PKN3: variants seen among roughly 807,000 people sequenced by gnomAD.
The protein encoded by PKN3 is protein kinase N3, also known as serine/threonine-protein kinase N3.
A neutral mutation model predicts 113.1 loss-of-function variants in PKN3; 91 were observed. The observed-to-expected ratio is 0.80, with a 90% CI of 0.68 to 0.96. PKN3 has a LOEUF of 0.96. PKN3 is among the 40% of genes least tolerant of loss of function. The pLI, the probability that PKN3 is intolerant of heterozygous loss-of-function variation, is 0.00. For missense variants in PKN3, 1,052 were observed against 1,202.2 expected, an observed-to-expected ratio of 0.88 and a Z score of 1.85; for synonymous variants, 467 against 499.0, an observed-to-expected ratio of 0.94 and a Z score of 0.85.
In PKN3 at chr9:128,714,849, C is replaced by T; in HGVS notation, c.1636C>T (p.Pro546Ser). 1 of 1,613,952 alleles carries T rather than the reference C, an allele frequency of 6.2e-7. No individual in the cohort carries two copies. Among genetic ancestry groups the T allele is most frequent in the Non-Finnish European group, 8.5e-7 (1 of 1,179,874 alleles). ...TAGGACTCGACGTGGGCCATCTCCA[C>T]CAGCCTCCCCCACCAGGTACCCCAT... Reference protein sequence around the residue: ...EPRTRRGPSPPASPTRKPPRL... With the variant: ...EPRTRRGPSPSASPTRKPPRL... The change falls in exon 13 of 22, where the codon CCA (proline) becomes TCA (serine). Residue 546 changes from proline (P) to serine (S), a missense_variant. Transcript: ENST00000291906.
At position 128,720,270 on chromosome 9, in the gene PKN3, A is replaced by G; in HGVS notation, c.2444A>G (p.Gln815Arg). 6.2e-7 allele frequency: 1 copy of G among 1,613,962 alleles called. No individual in the cohort carries two copies. Among genetic ancestry groups the G allele is most frequent in the Non-Finnish European group, 8.5e-7 (1 of 1,179,986 alleles). ...GEQDAEEIKV[Q>R]PFFRTTNWQA... ...CAGGATGCCGAGGAGATCAAGGTCCAGCCATTCTTCAGGGTGAGCGGCTGG... is the reference window on the plus strand; with the variant it reads ...CAGGATGCCGAGGAGATCAAGGTCCGGCCATTCTTCAGGGTGAGCGGCTGG... Residue 815 changes from glutamine (Q) to arginine (R), a missense_variant, in exon 21 of 22, where the codon CAG becomes CGG. Gln to Arg is a conservative substitution (Grantham distance 43). This residue lies in a region of PKN3 where 333 missense variants were observed against 442.8 expected (regional missense o/e 0.75). Coordinates refer to ENST00000291906, the MANE Select transcript of PKN3 (RefSeq NM_013355.5). The surrounding 1 kb of genome is among the most constrained non-coding windows in gnomAD (Gnocchi z 5.5).
chr9:128,715,382 A>G lies in PKN3; in HGVS notation c.1730A>G (p.Gln577Arg), dbSNP rs749153614. The G allele has an allele frequency of 1.1e-5, 17 of 1,613,832 alleles. No individual in the cohort carries two copies. The Middle Eastern group carries it at 4.9e-4, about 47-fold the overall frequency. ...RGHFGKVLLV[Q>R]FKGTGKYYAI... Reference sequence around the variant, plus strand: ...CTCTGGCCCCAGGTCCTCCTGGTCCAGTTCAAGGGGACAGGGAAATACTAC... The same window carrying G: ...CTCTGGCCCCAGGTCCTCCTGGTCCGGTTCAAGGGGACAGGGAAATACTAC... Residue 577 changes from glutamine (Q) to arginine (R), a missense_variant, in exon 15 of 22, where the codon CAG becomes CGG. Around this residue, in one of 2 missense-constraint regions of PKN3, gnomAD observed 333 missense variants for 442.8 expected, o/e 0.75. Coordinates refer to ENST00000291906, the MANE Select transcript of PKN3 (RefSeq NM_013355.5). This position sits in a 1 kb window ranked among gnomAD's most constrained non-coding sequence, Gnocchi z 4.1.
At chr9:128,704,848 G>A (rs994107735) in intron 1 of PKN3, among the ~76,000 whole-genome samples, 1 of 151,706 alleles carries the variant, frequency 6.6e-6, no homozygotes, top group Non-Finnish European at 1.5e-5. Flanking sequence ...AACCCGGGAG[G>A]CAGAGGTTGT....
At chr9:128,716,707 A>C in intron 15 of PKN3, 40 bp from the exon 16 acceptor site, 2 of 1,565,022 alleles carry the variant, frequency 1.3e-6, no homozygotes, top group Non-Finnish European at 1.8e-6. Context: ...AGCCCAGGGA[A>C]AGTTTTCCTT....
At position 128,718,695 on chromosome 9, in the gene PKN3, A is replaced by T. The variant is rs556304081; in HGVS notation, c.2125+70A>T. ...CACCCTGGCCAATAGGATGATGGGC[A>T]CATGGCATGTCCCAGGAAATCTCCT... On this transcript the variant is annotated intron_variant, in intron 18 of 21. Coordinates refer to ENST00000291906, the MANE Select transcript of PKN3 (RefSeq NM_013355.5). 4.3e-5 allele frequency: 59 copies of T among 1,378,736 alleles called. No individual in the cohort carries two copies. In the African/African-American group the frequency reaches 7.9e-4, roughly 19 times the overall value. The allele number at this position is 1,378,736 out of a possible 1,614,324, so 85.4% of individuals were successfully genotyped here.
chr9:128,715,048 C>A lies in PKN3; in HGVS notation c.1653-124C>A. 8.7e-7 allele frequency: 1 copy of A among 1,143,348 alleles called. No individual in the cohort carries two copies. The highest frequency in any genetic ancestry group is 1.3e-6 in the Non-Finnish European group (1 of 768,520). 70.8% of individuals were successfully genotyped at this position (1,143,348 alleles called of 1,614,324 possible). On this transcript the variant is annotated intron_variant, in intron 13 of 21. Coordinates refer to ENST00000291906, the MANE Select transcript of PKN3 (RefSeq NM_013355.5). The surrounding 1 kb of genome is among the most constrained non-coding windows in gnomAD (Gnocchi z 4.1). Reference sequence around the variant, plus strand: ...TGCCGGCTTCTAGGAGTCCTTACTGCAGGGCTTTTTCGAGCCCATAGGTCG... The same window carrying A: ...TGCCGGCTTCTAGGAGTCCTTACTGAAGGGCTTTTTCGAGCCCATAGGTCG...
chr9:128,703,750 C>T (rs145961190), intron 1 of PKN3: 6 of 985,310 alleles, frequency 6.1e-6, no homozygotes, highest in Non-Finnish European at 6.0e-6. Flanking sequence ...ACTCCTTGAG[C>T]GCCCAAGCCA....
At chr9:128,716,638 G>C (rs982673796) in intron 15 of PKN3, 109 bp from the exon 16 acceptor site, 1 of 783,346 alleles carries the variant, frequency 1.3e-6, no homozygotes, top group Non-Finnish European at 2.1e-6. Context: ...CAGTCTACTT[G>C]CCTGGCACTT....
In PKN3 at chr9:128,720,029, G is replaced by C; in HGVS notation, c.2376+12G>C. 1.2e-6 allele frequency: 2 copies of C among 1,607,744 alleles called. No individual in the cohort carries two copies. Among genetic ancestry groups the C allele is most frequent in the Non-Finnish European group, 1.7e-6 (2 of 1,174,378 alleles). ...AGTTCATTCAGAAGGTAAGCACTGC[G>C]GGGTCTGGGGCTGGGCTGGATGGCC... On this transcript the variant is annotated intron_variant, in intron 20 of 21. Coordinates refer to ENST00000291906, the MANE Select transcript of PKN3 (RefSeq NM_013355.5). This position sits in a 1 kb window ranked among gnomAD's most constrained non-coding sequence, Gnocchi z 5.5.
chr9:128,719,623 G>C, intron 18 of PKN3, 63 bp from the exon 19 acceptor site: 1 of 1,483,306 alleles, frequency 6.7e-7, no homozygotes, highest in Non-Finnish European at 9.1e-7. Context: ...ATAAGGCTTG[G>C]CTATTGAAGT....
chr9:128,710,785 G>A (rs1862152050), intron 6 of PKN3, among the ~76,000 whole-genome samples: 1 of 150,868 alleles, frequency 6.6e-6, no homozygotes. Context: ...AGCCAACCAT[G>A]CCCGGCCCAA....
In PKN3 at chr9:128,705,252, C is replaced by T. The variant is rs943703454; in HGVS notation, c.25-51C>T. 2.1e-5 allele frequency: 33 copies of T among 1,544,936 alleles called. 1 individual carries two copies. The highest frequency in any genetic ancestry group is 1.9e-4 in the South Asian group (16 of 83,572). On this transcript the variant is annotated intron_variant, in intron 1 of 21. Coordinates refer to ENST00000291906, the MANE Select transcript of PKN3 (RefSeq NM_013355.5). ...GCAGTGAGCAAAGGCTGCTGGTGGCCGCTGCACCCCATGGCTGTTCTCCAC... is the reference window on the plus strand; with the variant it reads ...GCAGTGAGCAAAGGCTGCTGGTGGCTGCTGCACCCCATGGCTGTTCTCCAC...
Position 128,720,249 on chromosome 9 carries a change from A to T in PKN3, c.2423A>T (p.Asp808Val). 6.2e-7 allele frequency: 1 copy of T among 1,613,934 alleles called. No individual in the cohort carries two copies. The highest frequency in any genetic ancestry group is 8.5e-7 in the Non-Finnish European group (1 of 1,180,004). The stretch of plus-strand genomic sequence containing the variant: ...AAGCGCCTCGGGGCAGGTGAGCAGG[A>T]TGCCGAGGAGATCAAGGTCCAGCCA... ...PEKRLGAGEQ[D>V]AEEIKVQPFF... Residue 808 changes from aspartate to valine, a missense_variant, in exon 21 of 22, where the codon GAT becomes GTT. By Grantham distance (152) the Asp-to-Val change is radical. Transcript: ENST00000291906. The surrounding 1 kb of genome is among the most constrained non-coding windows in gnomAD (Gnocchi z 5.5).
At chr9:128,708,217 C>T (rs1231928354) in intron 6 of PKN3, among the ~76,000 whole-genome samples, 1 of 151,646 alleles carries the variant, frequency 6.6e-6, no homozygotes, top group East Asian at 1.9e-4. Flanking sequence ...CCTGTCTCTA[C>T]TAAAAATACA....
chr9:128,707,456 G>A (rs2132292225), intron 6 of PKN3, 51 bp downstream of exon 6: 2 of 1,478,216 alleles, frequency 1.4e-6, no homozygotes, highest in Non-Finnish European at 1.8e-6. Context: ...TTGGGGGGAG[G>A]CCGGAAGCAC....
chr9:128,718,176 C>G, intron 16 of PKN3, 149 bp from the exon 17 acceptor site: 1 of 709,260 alleles, frequency 1.4e-6, no homozygotes. Flanking sequence ...GCACCCCCAC[C>G]CTCAGCATGA....
intron 6 of PKN3, among the ~76,000 whole-genome samples, chr9:128,708,387 T>A (rs939374408): frequency 1.3e-5 from 2 of 151,570 alleles, no homozygotes; most frequent in Non-Finnish European, 2.9e-5. Context: ...TCTCAAAAAA[T>A]AATAATAATA....
Position 128,707,390 on chromosome 9 carries a change from C to A in PKN3, c.820C>A (p.Pro274Thr). 1.2e-6 allele frequency: 2 copies of A among 1,608,478 alleles called. No individual in the cohort carries two copies. The highest frequency in any genetic ancestry group is 1.7e-6 in the Non-Finnish European group (2 of 1,177,146). ...CCAGCCTTCAGGGACACCTGTGAAG[C>A]CCACCGCCCTAACAGGTAGTCAGAA... ...YPQPSGTPVKPTALTGTLQVR... is the reference protein window; with the variant it reads ...YPQPSGTPVKTTALTGTLQVR... The change falls in exon 6 of 22, where the codon CCC becomes ACC. Residue 274 changes from proline (P) to threonine (T), a missense_variant. Physicochemically the swap from Pro to Thr is conservative, Grantham distance 38. Transcript: ENST00000291906.
intron 13 of PKN3, 78 bp downstream of exon 13, chr9:128,714,943 C>G: frequency 7.4e-7 from 1 of 1,347,628 alleles, no homozygotes; most frequent in African/African-American, 1.4e-5. Flanking sequence ...TCATACATTA[C>G]TCCCTGGCTC....
Sources: gnomAD v4.1 joint callset for allele counts (sites outside exome capture counted in the v4.1 genomes callset) on GRCh38, gnomAD v4.1.1 for gene constraint, gnomAD v4.1.1 regional missense constraint, Gnocchi (gnomAD v3.1) non-coding constraint, MANE v1.5 for transcripts, NCBI Gene and HGNC (gene_info 2026-07-23, HGNC 2026-07-21) for gene names.